The following CNTN4 variants were observed in gnomAD, a reference collection of about 807,000 sequenced individuals.
The protein encoded by CNTN4 is contactin-4.
In CNTN4, 77 loss-of-function variants were observed where a neutral mutation model predicts 122.5. The ratio of observed to expected loss-of-function variants is 0.63; its 90% CI spans 0.52 to 0.76. CNTN4 has a LOEUF of 0.76. Among genes scored for constraint, CNTN4 ranks in the 30% least tolerant of loss-of-function variants. The probability of loss-of-function intolerance (pLI) is 0.00; values close to 1 mark genes in which losing one functional copy is unlikely to be tolerated. For missense variants in CNTN4, 1,256 were observed against 1,259.1 expected (o/e 1.00, Z 0.04); for synonymous variants, 512 against 447.0 (o/e 1.15, Z -1.83).
At chr3:2,647,859 T>C (rs2083198295) in intron 4 of CNTN4, among the ~76,000 whole-genome samples, 1 of 152,234 alleles carries the variant, frequency 6.6e-6, no homozygotes, top group African/African-American at 2.4e-5. Flanking sequence ...AGTTTACAGT[T>C]ACTAATATTA....
At chr3:2,303,118 A>G (rs1372438618) in intron 2 of CNTN4, among the ~76,000 whole-genome samples, 1 of 152,228 alleles carries the variant, frequency 6.6e-6, no homozygotes, top group Non-Finnish European at 1.5e-5. Flanking sequence ...TGGCACTTAG[A>G]AAAGTTAGGT....
At chr3:2,863,899 C>A (rs1049108333) in intron 7 of CNTN4, among the ~76,000 whole-genome samples, 8 of 152,114 alleles carry the variant, frequency 5.3e-5, no homozygotes, top group Admixed American at 2.6e-4. Flanking sequence ...GGGTAGAAAA[C>A]AAAGAATTAA....
intron 14 of CNTN4, among the ~76,000 whole-genome samples, chr3:3,003,781 G>T (rs1417503411): frequency 7.0e-6 from 1 of 143,404 alleles, no homozygotes; most frequent in Non-Finnish European, 1.5e-5. Flanking sequence ...ACAGAGTCTT[G>T]TTCTGTCACC....
chr3:2,158,040 T>C (rs1303969303), intron 2 of CNTN4, among the ~76,000 whole-genome samples: 1 of 152,176 alleles, frequency 6.6e-6, no homozygotes, highest in Non-Finnish European at 1.5e-5. Context: ...AGTTTTTGAA[T>C]TCAATTTAAT....
chr3:2,762,604 C>G (rs1020096605), intron 6 of CNTN4, among the ~76,000 whole-genome samples: 3 of 152,088 alleles, frequency 2.0e-5, no homozygotes, highest in Non-Finnish European at 2.9e-5. Context: ...GATTCCGTGT[C>G]TTTGCTATTG....
rs552683721 is a variant in CNTN4, at chr3:3,046,640, G to GA, written c.2811+2939dup. On this transcript the variant is annotated intron_variant, in intron 23 of 24. Transcript: ENST00000418658. ...GCTCCTGAAGGAAGCACTAAACATG[G>GA]AAAGGAACAGCCAGTACCAGCCTCT... Among the ~76,000 whole-genome samples, 361 of 152,222 alleles carry GA rather than the reference G, an allele frequency of 2.4e-3. 2 individuals are homozygous for GA. The highest frequency in any genetic ancestry group is 3.7e-3 in the Non-Finnish European group (251 of 68,012).
intron 4 of CNTN4, among the ~76,000 whole-genome samples, chr3:2,602,051 A>G (rs944382363): frequency 5.3e-5 from 8 of 152,278 alleles, no homozygotes; most frequent in African/African-American, 1.7e-4. Context: ...AGCTCTTCAT[A>G]CTGAAAACTC....
At chr3:2,569,507 A>T (rs942657022) in intron 3 of CNTN4, among the ~76,000 whole-genome samples, 1 of 152,180 alleles carries the variant, frequency 6.6e-6, no homozygotes, top group Non-Finnish European at 1.5e-5. Flanking sequence ...TACAATTATT[A>T]TTTGTCAATT....
intron 13 of CNTN4, among the ~76,000 whole-genome samples, chr3:2,987,891 T>G (rs923669832): frequency 6.6e-6 from 1 of 152,216 alleles, no homozygotes; most frequent in South Asian, 2.1e-4. Context: ...ATAAATATGC[T>G]TAATAATACC....
chr3:2,977,419 C>A (rs565726109), intron 13 of CNTN4, among the ~76,000 whole-genome samples: 18 of 152,262 alleles, frequency 1.2e-4, no homozygotes, highest in African/African-American at 4.3e-4. Context: ...CAGGCAGGCC[C>A]TAATCTTTTT....
At chr3:2,739,594 A>G (rs760482353) in intron 5 of CNTN4, among the ~76,000 whole-genome samples, 3 of 144,828 alleles carry the variant, frequency 2.1e-5, no homozygotes, top group African/African-American at 5.0e-5. Flanking sequence ...CAAGGTATAG[A>G]GGAAGTAACA....
intron 3 of CNTN4, among the ~76,000 whole-genome samples, chr3:2,460,440 A>T (rs1243334923): frequency 6.6e-6 from 1 of 152,044 alleles, no homozygotes; most frequent in Admixed American, 6.6e-5. Context: ...TGATACCACC[A>T]TCAGCACTGT....
intron 7 of CNTN4, among the ~76,000 whole-genome samples, chr3:2,834,993 C>T (rs1391368858): frequency 6.7e-6 from 1 of 148,272 alleles, no homozygotes; most frequent in Non-Finnish European, 1.5e-5. Context: ...CCAGCTCCGC[C>T]TCCCGGGTTC....
chr3:2,534,332 A>G (rs1334528756), intron 3 of CNTN4, among the ~76,000 whole-genome samples: 1 of 152,152 alleles, frequency 6.6e-6, no homozygotes, highest in Non-Finnish European at 1.5e-5. Flanking sequence ...ATGGCTAGCC[A>G]GTTTTCCCAG....
intron 13 of CNTN4, among the ~76,000 whole-genome samples, chr3:2,951,523 G>C (rs1439600254): frequency 6.6e-6 from 1 of 152,168 alleles, no homozygotes; most frequent in African/African-American, 2.4e-5. Context: ...CTGCAGCCTG[G>C]GGGTTGGGGA....
In CNTN4 at chr3:2,887,420, G is replaced by A. The variant is rs1324614069; in HGVS notation, c.940+196G>A. Among the ~76,000 whole-genome samples the A allele has an allele frequency of 6.6e-5, 10 of 152,162 alleles. No homozygotes were observed. The East Asian group carries it at 7.7e-4, about 12-fold the overall frequency. On this transcript the variant is annotated intron_variant, in intron 10 of 24. Transcript: ENST00000418658. ...GAGGGTGGGGGGCAAGGGTGTTGACGGAGCAGAGAGGAAGACATTAGGCTG... is the reference window on the plus strand; with the variant it reads ...GAGGGTGGGGGGCAAGGGTGTTGACAGAGCAGAGAGGAAGACATTAGGCTG...
intron 2 of CNTN4, among the ~76,000 whole-genome samples, chr3:2,112,678 CATTACTTAGATGTTTTA>C (rs1459398705): frequency 6.6e-6 from 1 of 152,174 alleles, no homozygotes; most frequent in Non-Finnish European, 1.5e-5. Context: ...CATTAAACCT[CATTACTTAGATGTTTTA>C]ATTACTTTTA....
chr3:2,707,784 C>G (rs1193974187), intron 4 of CNTN4, among the ~76,000 whole-genome samples: 1 of 152,086 alleles, frequency 6.6e-6, no homozygotes, highest in Non-Finnish European at 1.5e-5. Flanking sequence ...GCTGCACATA[C>G]CACCACACCT....
intron 14 of CNTN4, chr3:3,008,925 G>C (rs1352216339): frequency 1.0e-6 from 1 of 984,318 alleles, no homozygotes; most frequent in East Asian, 1.1e-4. Flanking sequence ...TAAGCTGTGA[G>C]ATTCCAAAAG....
Sources: gnomAD v4.1 joint callset for allele counts (sites outside exome capture counted in the v4.1 genomes callset) on GRCh38, gnomAD v4.1.1 for gene constraint, MANE v1.5 for transcripts, NCBI Gene and HGNC (gene_info 2026-07-23, HGNC 2026-07-21) for gene names.